Variants in CD226 observed in about 807,000 individuals in gnomAD.
The protein encoded by CD226 is CD226 antigen.
Under a neutral mutation model 34.9 loss-of-function variants are expected in CD226, and 24 were observed. That is an observed-to-expected ratio of 0.69 (90% CI 0.50 to 0.97). CD226 has a LOEUF of 0.97. CD226 is among the 50% of genes least tolerant of loss of function. The pLI, the probability that CD226 is intolerant of heterozygous loss-of-function variation, is 0.00. For missense variants in CD226, 397 were observed against 412.7 expected (o/e 0.96, Z 0.33); for synonymous variants, 148 against 147.4 (o/e 1.00, Z -0.03).
At chr18:69,870,880 G>A (rs1052644390) in intron 4 of CD226, among the ~76,000 whole-genome samples, 2 of 152,158 alleles carry the variant, frequency 1.3e-5, no homozygotes, top group African/African-American at 4.8e-5. Context: ...GTCATCTTTC[G>A]AAGCATTTCT....
chr18:69,878,930 G>A (rs552589139), intron 3 of CD226, among the ~76,000 whole-genome samples: 12 of 152,114 alleles, frequency 7.9e-5, no homozygotes, highest in Non-Finnish European at 1.6e-4. Flanking sequence ...GAGAAATAAA[G>A]GGAAAGAGTA....
upstream of CD226, among the ~76,000 whole-genome samples, chr18:69,952,782 G>T (rs1300018558): frequency 6.6e-6 from 1 of 152,162 alleles, no homozygotes; most frequent in Non-Finnish European, 1.5e-5. Flanking sequence ...GTGCATCAAA[G>T]GACATTTTCA....
chr18:69,882,600 G>A (rs1400319703), intron 3 of CD226, among the ~76,000 whole-genome samples: 3 of 152,160 alleles, frequency 2.0e-5, no homozygotes, highest in South Asian at 2.1e-4. Context: ...ATATTTCTGA[G>A]TCTTATACTT....
chr18:69,931,447 G>C lies in CD226; in HGVS notation c.382+15287C>G, dbSNP rs529715628. 9.5e-4 allele frequency among the ~76,000 whole-genome samples: 144 copies of C among 151,898 alleles called. 1 individual carries two copies. The highest frequency in any genetic ancestry group is 3.4e-3 in the Middle Eastern group (1 of 294). On this transcript the variant is annotated intron_variant, in intron 2 of 5. Coordinates refer to ENST00000582621, the MANE Select transcript of CD226 (RefSeq NM_001303618.2). The stretch of plus-strand genomic sequence containing the variant: ...GGAAGAAAAAAAACTGAGCAAAGAA[G>C]AAAAAAACAGACAACAGAGATAGAA...
chr18:69,916,736 A>T (rs2055390936), intron 2 of CD226, among the ~76,000 whole-genome samples: 1 of 152,180 alleles, frequency 6.6e-6, no homozygotes, highest in Admixed American at 6.5e-5. Context: ...TTTGTACATA[A>T]GGGAACAGAC....
intron 3 of CD226, among the ~76,000 whole-genome samples, 166 bp downstream of exon 3, chr18:69,895,535 A>C (rs909483180): frequency 2.6e-5 from 4 of 152,106 alleles, no homozygotes; most frequent in African/African-American, 4.8e-5. Context: ...AGATAAAGAA[A>C]CCCTCAATAC....
chr18:69,897,239 T>C (rs945269187), intron 2 of CD226, among the ~76,000 whole-genome samples: 11 of 152,178 alleles, frequency 7.2e-5, no homozygotes, highest in African/African-American at 2.4e-4. Flanking sequence ...AGATATAGCG[T>C]ACATAAACAA....
chr18:69,944,969 T>C (rs1278866711), intron 2 of CD226, among the ~76,000 whole-genome samples: 1 of 152,222 alleles, frequency 6.6e-6, no homozygotes, highest in Non-Finnish European at 1.5e-5. Context: ...AGATGTTTCT[T>C]ATCTCCTGAC....
intron 2 of CD226, among the ~76,000 whole-genome samples, chr18:69,928,799 C>A (rs1268272396): frequency 6.6e-6 from 1 of 152,100 alleles, no homozygotes; most frequent in African/African-American, 2.4e-5. Flanking sequence ...GATATTCAGT[C>A]TGTAGTACAC....
intron 5 of CD226, among the ~76,000 whole-genome samples, chr18:69,866,733 G>A (rs574920307): frequency 6.6e-6 from 1 of 152,206 alleles, no homozygotes; most frequent in East Asian, 1.9e-4. Context: ...TTTGAAAATA[G>A]GATCCTTGTA....
At chr18:69,924,332 G>T (rs915471053) in intron 2 of CD226, among the ~76,000 whole-genome samples, 1 of 152,028 alleles carries the variant, frequency 6.6e-6, no homozygotes. Flanking sequence ...AATTTATATT[G>T]CATTGCGGAA....
At chr18:69,887,026 ATCTC>A (rs1353111187) in intron 3 of CD226, among the ~76,000 whole-genome samples, 2 of 152,222 alleles carry the variant, frequency 1.3e-5, no homozygotes, top group African/African-American at 2.4e-5. Context: ...AACCCATCTC[ATCTC>A]TCTTTTTTAA....
At chr18:69,886,187 A>G (rs572192503) in intron 3 of CD226, among the ~76,000 whole-genome samples, 112 of 152,288 alleles carry the variant, frequency 7.4e-4, no homozygotes, top group African/African-American at 2.3e-3. Context: ...CAAGCCTGAG[A>G]TAAGTCCCGT....
At chr18:69,942,311 C>G (rs1382467891) in intron 2 of CD226, among the ~76,000 whole-genome samples, 1 of 152,224 alleles carries the variant, frequency 6.6e-6, no homozygotes, top group Non-Finnish European at 1.5e-5. Context: ...ACCAATTAAT[C>G]CTCCTGCTAG....
chr18:69,918,049 C>T (rs1462744024), intron 2 of CD226, among the ~76,000 whole-genome samples: 9 of 152,178 alleles, frequency 5.9e-5, no homozygotes, highest in Non-Finnish European at 1.3e-4. Context: ...AGGAGAAGGG[C>T]ACAGCCAATT....
At position 69,864,239 on chromosome 18, in the gene CD226, T is replaced by C. The variant is rs1982989137; in HGVS notation, c.*75A>G. On this transcript the variant is annotated 3_prime_UTR_variant, in exon 6 of 6. Coordinates refer to ENST00000582621, the MANE Select transcript of CD226 (RefSeq NM_001303618.2). ...AGTATCTAAGGTAGACCTTGGGTAG[T>C]GGAAAAAAATTGCATAAAGATCCAT... The C allele has an allele frequency of 2.1e-6, 3 of 1,432,968 alleles. No homozygotes were observed. Among genetic ancestry groups the C allele is most frequent in the East Asian group, 2.3e-5 (1 of 43,450 alleles). 88.8% of individuals were successfully genotyped at this position (1,432,968 alleles called of 1,614,324 possible).
intron 3 of CD226, among the ~76,000 whole-genome samples, chr18:69,880,420 GAAGA>G (rs1362680649): frequency 6.6e-6 from 1 of 151,724 alleles, no homozygotes; most frequent in African/African-American, 2.4e-5. Flanking sequence ...AGGGGAGAAA[GAAGA>G]AAGAGTTGGC....
chr18:69,873,186 A>G lies in CD226; in HGVS notation c.788T>C (p.Phe263Ser), dbSNP rs1458066724. Reference sequence around the variant, plus strand: ...AATGATGGTGGTAATTGAGATAACAAACAACAACAATAAAACTGTCCCTCC... The same window carrying G: ...AATGATGGTGGTAATTGAGATAACAGACAACAACAATAAAACTGTCCCTCC... ...VAGGTVLLLL[F>S]VISITTIIVI... The change falls in exon 4 of 6, where the codon TTT becomes TCT. Residue 263 changes from phenylalanine (F) to serine (S), a missense_variant. Phe to Ser is a radical substitution (Grantham distance 155, BLOSUM62 -2). Coordinates refer to ENST00000582621, the MANE Select transcript of CD226 (RefSeq NM_001303618.2). 6.2e-7 allele frequency: 1 copy of G among 1,609,236 alleles called. No individual in the cohort carries two copies. Among genetic ancestry groups the G allele is most frequent in the Admixed American group, 1.7e-5 (1 of 59,990 alleles).
intron 4 of CD226, among the ~76,000 whole-genome samples, chr18:69,867,714 T>C (rs141799526): frequency 8.5e-5 from 13 of 152,362 alleles, no homozygotes; most frequent in South Asian, 6.2e-4. Context: ...AAATGACTTA[T>C]AGCTTTCTCC....
Sources: gnomAD v4.1 joint callset for allele counts (sites outside exome capture counted in the v4.1 genomes callset) on GRCh38, gnomAD v4.1.1 for gene constraint, MANE v1.5 for transcripts, NCBI Gene and HGNC (gene_info 2026-07-23, HGNC 2026-07-21) for gene names.